Variants in CEP162 observed in about 807,000 individuals in gnomAD.
The protein encoded by CEP162 is centrosomal protein 162.
A neutral mutation model predicts 169.2 loss-of-function variants in CEP162; 141 were observed. The observed-to-expected ratio is 0.83, with a 90% CI of 0.73 to 0.96. The LOEUF (loss-of-function observed/expected upper bound fraction) is 0.96. Ranked by LOEUF, CEP162 falls within the 40% of genes least tolerant of loss-of-function variation. The pLI is 0.00. For synonymous variants in CEP162, 540 were observed against 526.4 expected (o/e 1.03, Z -0.35); for missense variants, 1,600 against 1,587.2 (o/e 1.01, Z -0.14).
intron 12 of CEP162, 50 bp downstream of exon 12, chr6:84,186,282 C>T (rs771188542): frequency 1.9e-6 from 2 of 1,044,130 alleles, no homozygotes; most frequent in Admixed American, 2.1e-5. Flanking sequence ...ATATACTTTA[C>T]ATAACTTCGG....
intron 18 of CEP162, among the ~76,000 whole-genome samples, chr6:84,166,726 C>T (rs1313222101): frequency 6.6e-6 from 1 of 152,130 alleles, no homozygotes; most frequent in African/African-American, 2.4e-5. Flanking sequence ...TACATTTCCA[C>T]CCATACTTTA....
At chr6:84,131,015 A>AC in intron 25 of CEP162, among the ~76,000 whole-genome samples, 1 of 152,140 alleles carries the variant, frequency 6.6e-6, no homozygotes, top group East Asian at 1.9e-4. Context: ...TTCCCTCTAC[A>AC]CACTGCTTTA....
In CEP162 at chr6:84,146,798, T is replaced by C. The variant is rs200195674; in HGVS notation, c.3772-13A>G. The C allele has an allele frequency of 8.3e-5, 115 of 1,384,084 alleles. No homozygotes were observed. In the Middle Eastern group the frequency reaches 8.9e-4, roughly 11 times the overall value. 85.7% of individuals were successfully genotyped at this position (1,384,084 alleles called of 1,614,324 possible). On this transcript the variant is annotated splice_polypyrimidine_tract_variant and intron_variant, in intron 24 of 26. Transcript: ENST00000403245. ...GTCTTATAAGTACCTAGGAAATTGT[T>C]AGAAGTGCTGAGTTAATAAAGCTCC...
chr6:84,185,726 G>T (rs1341022689), intron 12 of CEP162, among the ~76,000 whole-genome samples: 1 of 152,104 alleles, frequency 6.6e-6, no homozygotes, highest in Admixed American at 6.6e-5. Context: ...GAATGCAGCA[G>T]AAAGAACATA....
At chr6:84,224,187 T>G (rs2099554830) in intron 2 of CEP162, among the ~76,000 whole-genome samples, 2 of 152,212 alleles carry the variant, frequency 1.3e-5, no homozygotes, top group Admixed American at 6.5e-5. Context: ...ATCTACACAA[T>G]GAAATATTAC....
intron 21 of CEP162, 65 bp downstream of exon 21, chr6:84,160,747 A>C: frequency 9.8e-7 from 1 of 1,024,098 alleles, no homozygotes; most frequent in African/African-American, 1.6e-5. Flanking sequence ...CTCCTGAAAC[A>C]AAAGAGAAAA....
intron 2 of CEP162, 43 bp from the exon 3 acceptor site, chr6:84,221,214 A>AT: frequency 1.0e-6 from 1 of 954,036 alleles, no homozygotes; most frequent in Non-Finnish European, 1.7e-6. Flanking sequence ...TACAGTGTAA[A>AT]TTCAAGAATC....
At chr6:84,178,658 C>T (rs1217454993) in intron 13 of CEP162, among the ~76,000 whole-genome samples, 7 of 152,044 alleles carry the variant, frequency 4.6e-5, no homozygotes, top group African/African-American at 1.7e-4. Context: ...ACCTTATCTC[C>T]TTTTCTTTTT....
At chr6:84,133,461 GGA>G (rs1304199408) in intron 25 of CEP162, among the ~76,000 whole-genome samples, 2 of 152,174 alleles carry the variant, frequency 1.3e-5, no homozygotes, top group Non-Finnish European at 2.9e-5. Flanking sequence ...CCCCAGAGGT[GGA>G]GTCTATAGAG....
intron 4 of CEP162, 75 bp downstream of exon 4, chr6:84,215,701 A>C: frequency 6.7e-7 from 1 of 1,498,684 alleles, no homozygotes. Flanking sequence ...AGGAGGCTTC[A>C]AGATAATTTT....
At chr6:84,131,680 G>T (rs866105006) in intron 25 of CEP162, among the ~76,000 whole-genome samples, 371 of 137,738 alleles carry the variant, frequency 2.7e-3, no homozygotes, top group Middle Eastern at 0.011. Flanking sequence ...TTTTTGTTTT[G>T]TTTTCCATTT....
chr6:84,181,774 G>A (rs1362264732), intron 13 of CEP162, among the ~76,000 whole-genome samples: 1 of 151,832 alleles, frequency 6.6e-6, no homozygotes, highest in Non-Finnish European at 1.5e-5. Flanking sequence ...AGAAATTAAG[G>A]TTGTAGGAGA....
chr6:84,204,878 A>G (rs2099546134), intron 6 of CEP162, among the ~76,000 whole-genome samples: 1 of 152,194 alleles, frequency 6.6e-6, no homozygotes, highest in Non-Finnish European at 1.5e-5. Flanking sequence ...GCAATAAAAA[A>G]TGGTAAAGGG....
intron 25 of CEP162, among the ~76,000 whole-genome samples, chr6:84,133,309 G>C (rs2099512399): frequency 6.6e-6 from 1 of 152,178 alleles, no homozygotes; most frequent in Non-Finnish European, 1.5e-5. Flanking sequence ...TCAAGTGTCA[G>C]GGACCCACTT....
chr6:84,187,057 C>G (rs1454212528), intron 11 of CEP162, among the ~76,000 whole-genome samples: 1 of 151,908 alleles, frequency 6.6e-6, no homozygotes, highest in African/African-American at 2.4e-5. Context: ...AAGAAATAAT[C>G]ATAAATTTGT....
At chr6:84,140,660 G>C (rs2099516192) in intron 25 of CEP162, among the ~76,000 whole-genome samples, 1 of 151,938 alleles carries the variant, frequency 6.6e-6, no homozygotes, top group South Asian at 2.1e-4. Context: ...TGAGTAGCTG[G>C]GACTACAGGC....
chr6:84,226,730 G>A (rs906294656), intron 1 of CEP162, among the ~76,000 whole-genome samples: 6 of 152,210 alleles, frequency 3.9e-5, no homozygotes, highest in Non-Finnish European at 8.8e-5. Flanking sequence ...ACCTATGTTT[G>A]TGTGCATGTG....
At chr6:84,213,259 C>T (rs2099550211) in intron 5 of CEP162, among the ~76,000 whole-genome samples, 1 of 152,068 alleles carries the variant, frequency 6.6e-6, no homozygotes, top group African/African-American at 2.4e-5. Context: ...AAAAGATGCC[C>T]TATTTCTTAA....
At chr6:84,148,209 C>T (rs2099519789) in intron 24 of CEP162, among the ~76,000 whole-genome samples, 1 of 151,944 alleles carries the variant, frequency 6.6e-6, no homozygotes, top group Non-Finnish European at 1.5e-5. Flanking sequence ...GTCAAATAGT[C>T]CTTTTTTTTC....
Sources: allele counts gnomAD v4.1 joint callset (sites outside exome capture counted in the v4.1 genomes callset), GRCh38; gene constraint gnomAD v4.1.1; transcripts MANE v1.5; gene names NCBI Gene and HGNC (gene_info 2026-07-23, HGNC 2026-07-21).